RPS6KC1: variants seen among roughly 807,000 people sequenced by gnomAD.
RPS6KC1 encodes the protein inactive ribosomal protein S6 kinase delta-1.
A neutral mutation model predicts 103.8 loss-of-function variants in RPS6KC1; 54 were observed. The observed-to-expected ratio is 0.52, with a 90% CI of 0.42 to 0.65. The LOEUF (loss-of-function observed/expected upper bound fraction) is 0.65, where lower values mean the gene tolerates loss of function less well. Among genes scored for constraint, RPS6KC1 ranks in the 30% least tolerant of loss-of-function variants. RPS6KC1 has a pLI of 0.00. For missense variants in RPS6KC1, 1,151 were observed against 1,253.8 expected (o/e 0.92, Z 1.24); for synonymous variants, 439 against 438.7 (o/e 1.00, Z -0.01).
chr1:213,272,329 G>C (rs2095064942), intron 14 of RPS6KC1, among the ~76,000 whole-genome samples, 195 bp from the exon 15 acceptor site: 1 of 152,176 alleles, frequency 6.6e-6, no homozygotes, highest in Admixed American at 6.5e-5. Flanking sequence ...CATAAACTCA[G>C]TTCAGGTGTC....
At chr1:213,328,504 CTATATATATATATATATATATA>C in the RPS6KC1 span, among the ~76,000 whole-genome samples, 1,894 of 101,474 alleles carry the variant, frequency 0.019, 92 homozygotes, top group African/African-American at 0.055. Flanking sequence ...AGCCATTATA[CTATATATATATATATATATATA>C]TATATATATA....
At chr1:213,830,284 C>T in the RPS6KC1 span, among the ~76,000 whole-genome samples, 32 of 152,014 alleles carry the variant, frequency 2.1e-4, no homozygotes, top group African/African-American at 6.3e-4. Context: ...ACATACTGGG[C>T]GGGTCATGAA....
chr1:213,249,567 C>CA (rs2094508996), intron 12 of RPS6KC1, among the ~76,000 whole-genome samples: 2 of 152,184 alleles, frequency 1.3e-5, no homozygotes, highest in African/African-American at 4.8e-5. Flanking sequence ...CTGTCATTCT[C>CA]ACAATTTTCA....
chr1:213,051,245 C>T lies in RPS6KC1; in HGVS notation c.-160C>T. The T allele has an allele frequency of 3.3e-6, 2 of 603,398 alleles. No individual in the cohort carries two copies. The highest frequency in any genetic ancestry group is 2.9e-6 in the Non-Finnish European group (1 of 340,142). 37.4% of individuals were successfully genotyped at this position (603,398 alleles called of 1,614,324 possible). ...TGGCCCGGAAGCTTCTCTGCTGACC[C>T]GGAAGCAGAGCTGTGCAGCTGAGGC... On this transcript the variant is annotated 5_prime_UTR_variant, in exon 1 of 15. Transcript: ENST00000366960.
chr1:213,118,456 A>C (rs1210112806), intron 5 of RPS6KC1, among the ~76,000 whole-genome samples: 1 of 152,096 alleles, frequency 6.6e-6, no homozygotes, highest in Non-Finnish European at 1.5e-5. Flanking sequence ...CATGAGTAAG[A>C]GTTTATGGTG....
chr1:213,204,118 C>T (rs2093264122), intron 8 of RPS6KC1, among the ~76,000 whole-genome samples: 1 of 152,204 alleles, frequency 6.6e-6, no homozygotes, highest in South Asian at 2.1e-4. Context: ...ATTGCCTCTC[C>T]TCCATGCTAA....
chr1:213,648,918 C>G, the RPS6KC1 span, among the ~76,000 whole-genome samples: 2 of 152,150 alleles, frequency 1.3e-5, no homozygotes, highest in African/African-American at 2.4e-5. Context: ...CTCTCTCATC[C>G]CAGCCTCTCT....
At chr1:213,781,341 G>A in the RPS6KC1 span, among the ~76,000 whole-genome samples, 1 of 152,146 alleles carries the variant, frequency 6.6e-6, no homozygotes, top group African/African-American at 2.4e-5. Flanking sequence ...CTGGGAAGAT[G>A]AAGCCATTGA....
chr1:213,633,852 G>T, the RPS6KC1 span, among the ~76,000 whole-genome samples: 1 of 107,290 alleles, frequency 9.3e-6, no homozygotes, highest in African/African-American at 3.6e-5. Context: ...GATGGAGGAA[G>T]ATCTGCCAAG....
At chr1:213,578,361 T>C in the RPS6KC1 span, among the ~76,000 whole-genome samples, 1 of 152,214 alleles carries the variant, frequency 6.6e-6, no homozygotes, top group Non-Finnish European at 1.5e-5. Flanking sequence ...TTGAAGCCCG[T>C]ACACAGAGTT....
chr1:213,501,789 C>T, the RPS6KC1 span, among the ~76,000 whole-genome samples: 17 of 150,900 alleles, frequency 1.1e-4, no homozygotes, highest in African/African-American at 4.1e-4. Flanking sequence ...AATAAATTTA[C>T]AAAAACTGCA....
At chr1:213,209,854 G>A (rs1384056744) in intron 8 of RPS6KC1, among the ~76,000 whole-genome samples, 1 of 152,106 alleles carries the variant, frequency 6.6e-6, no homozygotes, top group East Asian at 1.9e-4. Context: ...GGAAAGGGGT[G>A]TGAATTTCCC....
chr1:213,781,682 C>A, the RPS6KC1 span, among the ~76,000 whole-genome samples: 11 of 152,150 alleles, frequency 7.2e-5, no homozygotes, highest in South Asian at 2.3e-3. Flanking sequence ...CACTCATCAG[C>A]AAGGCTAATT....
the RPS6KC1 span, among the ~76,000 whole-genome samples, chr1:213,598,537 T>A: frequency 1.3e-5 from 2 of 151,988 alleles, no homozygotes; most frequent in African/African-American, 4.8e-5. Context: ...AATCTGCTTT[T>A]TAGGTAAATA....
At chr1:213,768,099 T>G in the RPS6KC1 span, among the ~76,000 whole-genome samples, 1 of 152,148 alleles carries the variant, frequency 6.6e-6, no homozygotes, top group Non-Finnish European at 1.5e-5. Flanking sequence ...AGTTTGGAGG[T>G]TAATAAAGAT....
At chr1:213,255,830 GTTC>G (rs1395462497) in intron 12 of RPS6KC1, among the ~76,000 whole-genome samples, 2 of 152,268 alleles carry the variant, frequency 1.3e-5, no homozygotes, top group East Asian at 3.9e-4. Context: ...CTGTTAGGAA[GTTC>G]TTCTTTATAT....
chr1:213,258,260 C>T (rs1028972402), intron 12 of RPS6KC1, among the ~76,000 whole-genome samples: 30 of 152,114 alleles, frequency 2.0e-4, no homozygotes, highest in African/African-American at 6.0e-4. Context: ...CATGAGCCAC[C>T]GCACTGGCCC....
chr1:213,821,227 TA>T, the RPS6KC1 span: 1 of 152,464 alleles, frequency 6.6e-6, no homozygotes, highest in Non-Finnish European at 1.5e-5. Context: ...ATGTCCATCC[TA>T]GGCCAGGTCG....
At chr1:213,247,900 C>G (rs1322699133) in intron 12 of RPS6KC1, among the ~76,000 whole-genome samples, 1 of 151,980 alleles carries the variant, frequency 6.6e-6, no homozygotes, top group Non-Finnish European at 1.5e-5. Flanking sequence ...TATTTTTACT[C>G]ATTTATAGAG....
Sources: allele counts gnomAD v4.1 joint callset (sites outside exome capture counted in the v4.1 genomes callset), GRCh38; gene constraint gnomAD v4.1.1; transcripts MANE v1.5; gene names NCBI Gene and HGNC (gene_info 2026-07-23, HGNC 2026-07-21).